The following ABR variants were observed in gnomAD, a reference collection of about 807,000 sequenced individuals.
ABR encodes the protein active breakpoint cluster region-related protein.
Under a neutral mutation model 107.2 loss-of-function variants are expected in ABR, and 35 were observed. The ratio of observed to expected loss-of-function variants is 0.33; its 90% confidence interval spans 0.25 to 0.43. The LOEUF (loss-of-function observed/expected upper bound fraction) is 0.43. Ranked by LOEUF, ABR falls within the 20% of genes least tolerant of loss-of-function variation. The pLI is 1.00. For missense variants in ABR, 815 were observed against 1,115.2 expected (o/e 0.73, Z 3.83); for synonymous variants, 498 against 462.0 (o/e 1.08, Z -1.00).
At chr17:1,103,788 C>A (rs894173171) in intron 2 of ABR, among the ~76,000 whole-genome samples, 1 of 152,134 alleles carries the variant, frequency 6.6e-6, no homozygotes, top group Non-Finnish European at 1.5e-5. Flanking sequence ...CGTTGGAGAG[C>A]GTACGGATGG....
At chr17:1,105,003 CTTTTT>C (rs748696872) in intron 2 of ABR, among the ~76,000 whole-genome samples, 6 of 125,768 alleles carry the variant, frequency 4.8e-5, no homozygotes, top group South Asian at 2.5e-4. Context: ...TTTACAGTAA[CTTTTT>C]TTTTTTTTTT....
intron 1 of ABR, among the ~76,000 whole-genome samples, chr17:1,209,302 C>T (rs949581106): frequency 2.7e-5 from 4 of 150,254 alleles, no homozygotes; most frequent in African/African-American, 9.8e-5. Context: ...TTTTTGAGAC[C>T]GTCTTACTCT....
intron 1 of ABR, among the ~76,000 whole-genome samples, chr17:1,221,829 G>T (rs1308761920): frequency 2.0e-5 from 3 of 152,344 alleles, no homozygotes; most frequent in African/African-American, 7.2e-5. Flanking sequence ...AAGCATCAGG[G>T]ACCCCAGGGG....
intron 5 of ABR, 66 bp downstream of exon 5, chr17:1,083,454 C>G (rs972557462): frequency 6.6e-6 from 8 of 1,211,336 alleles, no homozygotes; most frequent in Non-Finnish European, 7.0e-6. Context: ...GGAGGGGAGA[C>G]CAAGGGCTCT....
intron 2 of ABR, among the ~76,000 whole-genome samples, chr17:1,114,167 C>T: frequency 2.4e-5 from 1 of 41,406 alleles, no homozygotes; most frequent in African/African-American, 8.1e-5. Flanking sequence ...AAGACCCTGT[C>T]TCAAAAAAAA....
At chr17:1,077,024 C>T (rs1359831219) in intron 6 of ABR, among the ~76,000 whole-genome samples, 2 of 152,202 alleles carry the variant, frequency 1.3e-5, no homozygotes, top group South Asian at 2.1e-4. Context: ...AACTGCTTTG[C>T]TCTCATTATT....
intron 1 of ABR, among the ~76,000 whole-genome samples, chr17:1,132,619 C>T (rs186380987): frequency 5.9e-5 from 9 of 152,128 alleles, no homozygotes; most frequent in Admixed American, 5.2e-4. Context: ...CCTTGTGATC[C>T]ACCCACCTCG....
intron 16 of ABR, among the ~76,000 whole-genome samples, chr17:1,046,620 C>T (rs1387929863): frequency 6.6e-6 from 1 of 152,238 alleles, no homozygotes; most frequent in Non-Finnish European, 1.5e-5. Flanking sequence ...AGGACGCTCA[C>T]CTTATGCCAT....
chr17:1,221,385 C>G (rs550200258), intron 1 of ABR, among the ~76,000 whole-genome samples: 2 of 152,312 alleles, frequency 1.3e-5, no homozygotes, highest in South Asian at 4.1e-4. Flanking sequence ...AATGTGATGG[C>G]TGGATCTCCA....
chr17:1,147,576 G>A (rs2040607402), intron 1 of ABR, among the ~76,000 whole-genome samples: 1 of 152,238 alleles, frequency 6.6e-6, no homozygotes, highest in Middle Eastern at 3.4e-3. Flanking sequence ...GGCCAGGCTG[G>A]TCTCAAACTC....
chr17:1,005,077 C>T lies in ABR; in HGVS notation c.*1003G>A. ...AAGAGCTGAGCTGCCTCCCCGCGAC[C>T]CGGGACACCCAGCGTGGCATGTGCA... On this transcript the variant is annotated 3_prime_UTR_variant, in exon 23 of 23. Transcript: ENST00000302538. 2.5e-6 allele frequency: 1 copy of T among 398,902 alleles called. No homozygotes were observed. The highest frequency in any genetic ancestry group is 4.4e-6 in the Non-Finnish European group (1 of 226,200). 24.7% of individuals were successfully genotyped at this position (398,902 alleles called of 1,614,324 possible).
In ABR at chr17:1,210,272, AG is replaced by A. The variant is rs2042876655; in HGVS notation, c.838+18520del. 6.6e-6 allele frequency among the ~76,000 whole-genome samples: 1 copy of A among 152,210 alleles called. No homozygotes were observed. Among genetic ancestry groups the A allele is most frequent in the Admixed American group, 6.6e-5 (1 of 15,266 alleles). ...ACACCTGTAATCCCAACTCTTTGGGAGGCCGAGGTGGGTGAATCACCTGAGG... is the reference window on the plus strand; with the variant it reads ...ACACCTGTAATCCCAACTCTTTGGGAGCCGAGGTGGGTGAATCACCTGAGG... On this transcript the variant is annotated intron_variant, in intron 1 of 22. Coordinates refer to the ABR transcript ENST00000574139. This position sits in a 1 kb window ranked among gnomAD's most constrained non-coding sequence, Gnocchi z 5.6.
At chr17:1,186,614 G>T (rs563282445) in intron 1 of ABR, among the ~76,000 whole-genome samples, 1 of 152,316 alleles carries the variant, frequency 6.6e-6, no homozygotes, top group East Asian at 1.9e-4. Flanking sequence ...GGGCAGAGCC[G>T]CTGGCTTAGA....
At chr17:1,031,799 G>A (rs552665880) in intron 16 of ABR, 8 of 1,228,948 alleles carry the variant, frequency 6.5e-6, no homozygotes, top group African/African-American at 1.6e-5. Flanking sequence ...GCTCAGTCCC[G>A]GCTGCCAGTC....
intron 10 of ABR, among the ~76,000 whole-genome samples, chr17:1,063,944 T>C (rs373932779): frequency 1.4e-5 from 2 of 145,570 alleles, no homozygotes; most frequent in East Asian, 2.0e-4. Flanking sequence ...CTAGACACTG[T>C]TGTTATGTGA....
At position 1,123,918 on chromosome 17, in the gene ABR, G is replaced by A. The variant is rs148697933; in HGVS notation, c.246+1265C>T. ...GACGCTTGTCTCTAACCCGCCTCCCGTCTTAGGGCAGGTCAACAACACACT... is the reference window on the plus strand; with the variant it reads ...GACGCTTGTCTCTAACCCGCCTCCCATCTTAGGGCAGGTCAACAACACACT... On this transcript the variant is annotated intron_variant, in intron 2 of 22. Transcript: ENST00000302538. 8.9e-3 allele frequency among the ~76,000 whole-genome samples: 1,358 copies of A among 152,224 alleles called. 19 individuals are homozygous for A. The highest frequency in any genetic ancestry group is 0.031 in the African/African-American group (1,270 of 41,530).
rs1171488903 is a variant in ABR at position 1,092,126 on chromosome 17, A to G, written c.346-276T>C. Among the ~76,000 whole-genome samples, 1 of 152,180 alleles carries G rather than the reference A, an allele frequency of 6.6e-6. No individual in the cohort carries two copies. Among genetic ancestry groups the G allele is most frequent in the East Asian group, 1.9e-4 (1 of 5,188 alleles). ...CCCCTACCACGCAGCTGAGCTCAGC[A>G]GCAGCCTGTACTGGGTTAACAGGAT... On this transcript the variant is annotated intron_variant, in intron 3 of 22. Coordinates refer to ENST00000302538, the MANE Select transcript of ABR (RefSeq NM_021962.5). This position sits in a 1 kb window ranked among gnomAD's most constrained non-coding sequence, Gnocchi z 4.6.
At chr17:1,100,836 T>G (rs2037814937) in intron 2 of ABR, 101 bp from the exon 3 acceptor site, 5 of 1,174,288 alleles carry the variant, frequency 4.3e-6, no homozygotes, top group Non-Finnish European at 6.2e-6. Flanking sequence ...CCTTTATTTT[T>G]TTTTTGAGAC....
chr17:1,212,450 CAACAA>C (rs761010247), intron 1 of ABR, among the ~76,000 whole-genome samples: 14 of 151,774 alleles, frequency 9.2e-5, no homozygotes, highest in African/African-American at 2.7e-4. Flanking sequence ...AAAAAAACAA[CAACAA>C]AACAAAACAA....
Sources: gnomAD v4.1 joint callset for allele counts (sites outside exome capture counted in the v4.1 genomes callset) on GRCh38, gnomAD v4.1.1 for gene constraint, Gnocchi (gnomAD v3.1) non-coding constraint, MANE v1.5 for transcripts, NCBI Gene and HGNC (gene_info 2026-07-23, HGNC 2026-07-21) for gene names.